Variants in SNTG2 observed in about 807,000 individuals in gnomAD.
SNTG2 encodes the protein syntrophin gamma 2, also known as gamma-2-syntrophin.
Under a neutral mutation model 70.9 loss-of-function variants are expected in SNTG2, and 74 were observed. The ratio of observed to expected loss-of-function variants is 1.04; its 90% CI spans 0.86 to 1.27. SNTG2 has a LOEUF of 1.27. Ranked by LOEUF, SNTG2 falls within the 50% of genes most tolerant of loss-of-function variation. The pLI is 0.00. For synonymous variants in SNTG2, 278 were observed against 273.8 expected, an observed-to-expected ratio of 1.02 and a Z score of -0.15; for missense variants, 717 against 690.7, an observed-to-expected ratio of 1.04 and a Z score of -0.43.
intron 4 of SNTG2, among the ~76,000 whole-genome samples, chr2:1,115,485 G>A (rs746527975): frequency 6.6e-6 from 1 of 151,954 alleles, no homozygotes; most frequent in African/African-American, 2.4e-5. Context: ...TGTGTACTAA[G>A]TGAGGTTTAA....
rs1203269921 is a variant in SNTG2 at position 1,247,717 on chromosome 2, GA to G, written c.1005+275del. 1.5e-4 allele frequency among the ~76,000 whole-genome samples: 23 copies of G among 152,268 alleles called. No homozygotes were observed. In the East Asian group the frequency reaches 4.2e-3, roughly 28 times the overall value. ...CAAATTCCAGCTGGTTTGGAGGTGGGATGCAGAGGCTCTGTGTCTTAGAGGA... is the reference window on the plus strand; with the variant it reads ...CAAATTCCAGCTGGTTTGGAGGTGGGTGCAGAGGCTCTGTGTCTTAGAGGA... On this transcript the variant is annotated intron_variant, in intron 12 of 16. Coordinates refer to ENST00000308624, the MANE Select transcript of SNTG2 (RefSeq NM_018968.4).
At chr2:1,051,264 G>T (rs532588496) in intron 1 of SNTG2, among the ~76,000 whole-genome samples, 1 of 149,236 alleles carries the variant, frequency 6.7e-6, no homozygotes, top group Non-Finnish European at 1.5e-5. Context: ...GTACCATGCC[G>T]TATTGAAGTG....
intron 1 of SNTG2, among the ~76,000 whole-genome samples, chr2:990,182 G>T (rs1661444166): frequency 6.6e-6 from 1 of 152,222 alleles, no homozygotes; most frequent in South Asian, 2.1e-4. Flanking sequence ...ACTGCCATCA[G>T]AGGGGCTGGA....
chr2:1,178,177 C>G (rs1013269633), intron 8 of SNTG2, among the ~76,000 whole-genome samples: 1 of 152,138 alleles, frequency 6.6e-6, no homozygotes, highest in Non-Finnish European at 1.5e-5. Flanking sequence ...CCATTGGGCT[C>G]TCTCTTGTAG....
chr2:1,208,540 G>A (rs72768852), intron 8 of SNTG2, among the ~76,000 whole-genome samples: 4,764 of 152,218 alleles, frequency 0.031, 161 homozygotes, highest in East Asian at 0.19. Flanking sequence ...GTGGTGCTGT[G>A]GTGGTTGCAT....
chr2:1,313,010 A>G (rs1267482434), intron 15 of SNTG2, among the ~76,000 whole-genome samples: 1 of 152,230 alleles, frequency 6.6e-6, no homozygotes, highest in Non-Finnish European at 1.5e-5. Flanking sequence ...AGTCCTTGTC[A>G]TGGAGTTGCC....
intron 6 of SNTG2, among the ~76,000 whole-genome samples, chr2:1,159,708 A>AG (rs1670147798): frequency 6.6e-6 from 1 of 152,200 alleles, no homozygotes; most frequent in Admixed American, 6.5e-5. Context: ...GAGCAAAAAA[A>AG]GAAAGAAATA....
At chr2:1,331,767 G>T (rs1288528019) in intron 16 of SNTG2, among the ~76,000 whole-genome samples, 3 of 152,224 alleles carry the variant, frequency 2.0e-5, no homozygotes, top group Non-Finnish European at 4.4e-5. Context: ...TTATTTTAAG[G>T]AGTAAAGGTA....
At chr2:1,113,657 A>G (rs2148260186) in intron 4 of SNTG2, among the ~76,000 whole-genome samples, 1 of 150,960 alleles carries the variant, frequency 6.6e-6, no homozygotes, top group East Asian at 2.0e-4. Context: ...TTTGAGGAGG[A>G]TCATGTGTAC....
intron 1 of SNTG2, among the ~76,000 whole-genome samples, chr2:1,033,199 A>G (rs1421351712): frequency 2.0e-5 from 3 of 152,198 alleles, no homozygotes; most frequent in African/African-American, 4.8e-5. Context: ...AGGAAACAGC[A>G]TCCCAGTTGG....
chr2:1,010,428 G>C (rs922267071), intron 1 of SNTG2, among the ~76,000 whole-genome samples: 1 of 152,208 alleles, frequency 6.6e-6, no homozygotes, highest in South Asian at 2.1e-4. Context: ...TCAGCCTCAT[G>C]AGCGTGGTGT....
intron 14 of SNTG2, among the ~76,000 whole-genome samples, chr2:1,289,244 C>T (rs758695933): frequency 3.3e-5 from 5 of 152,086 alleles, no homozygotes; most frequent in African/African-American, 1.2e-4. Flanking sequence ...ATTCTGGAAC[C>T]TCAGACCCAC....
chr2:1,121,375 C>A (rs935167238), intron 4 of SNTG2, among the ~76,000 whole-genome samples: 3 of 151,452 alleles, frequency 2.0e-5, no homozygotes, highest in Non-Finnish European at 2.9e-5. Context: ...CAAAAGTTTA[C>A]AGAAGGAAGG....
intron 14 of SNTG2, among the ~76,000 whole-genome samples, chr2:1,290,494 T>C (rs1174100870): frequency 6.6e-6 from 1 of 152,132 alleles, no homozygotes; most frequent in African/African-American, 2.4e-5. Flanking sequence ...TATGTATTTT[T>C]AGTAGAGACG....
intron 1 of SNTG2, among the ~76,000 whole-genome samples, chr2:1,062,043 GT>G (rs1345933558): frequency 6.6e-6 from 1 of 152,146 alleles, no homozygotes; most frequent in Admixed American, 6.5e-5. Flanking sequence ...GAAGTAATAT[GT>G]TAATAACAAA....
chr2:1,365,346 A>C (rs1446070496), intron 16 of SNTG2, among the ~76,000 whole-genome samples: 2 of 152,244 alleles, frequency 1.3e-5, no homozygotes, highest in Non-Finnish European at 2.9e-5. Context: ...GCTCATCACA[A>C]TTTGAAATGA....
chr2:1,143,187 G>A (rs1248523976), intron 6 of SNTG2, among the ~76,000 whole-genome samples: 1 of 140,166 alleles, frequency 7.1e-6, no homozygotes, highest in Non-Finnish European at 1.5e-5. Flanking sequence ...TGCCCTAACT[G>A]TAGAGAGACT....
chr2:1,152,143 G>C (rs1669540226), intron 6 of SNTG2, among the ~76,000 whole-genome samples: 1 of 152,186 alleles, frequency 6.6e-6, no homozygotes, highest in South Asian at 2.1e-4. Context: ...CTCCTAATTA[G>C]ATGGTTACAG....
chr2:1,098,350 C>T lies in SNTG2; in HGVS notation c.268-3C>T, dbSNP rs781232444. ...GTTTCTTTCTGATGGCTTTGTCTTTCAGGGAGGTTCTGAGCACAACGTCCC... is the reference window on the plus strand; with the variant it reads ...GTTTCTTTCTGATGGCTTTGTCTTTTAGGGAGGTTCTGAGCACAACGTCCC... On this transcript the variant is annotated splice_region_variant and splice_polypyrimidine_tract_variant and intron_variant, in intron 3 of 16. Transcript: ENST00000308624. 1.2e-6 allele frequency: 2 copies of T among 1,613,862 alleles called. No homozygotes were observed. Among genetic ancestry groups the T allele is most frequent in the Admixed American group, 3.3e-5 (2 of 60,002 alleles).
Sources: gnomAD v4.1 joint callset for allele counts (sites outside exome capture counted in the v4.1 genomes callset) on GRCh38, gnomAD v4.1.1 for gene constraint, MANE v1.5 for transcripts, NCBI Gene and HGNC (gene_info 2026-07-23, HGNC 2026-07-21) for gene names.